The following C6orf52 variants were observed in gnomAD, a reference collection of about 807,000 sequenced individuals.
C6orf52 encodes chromosome 6 open reading frame 52.
C6orf52 carries 16 observed loss-of-function variants against 16.6 expected under a neutral mutation model. The ratio of observed to expected loss-of-function variants is 0.96; its 90% CI spans 0.65 to 1.46. The LOEUF (loss-of-function observed/expected upper bound fraction) is 1.46. Among genes scored for constraint, C6orf52 ranks in the 40% most tolerant of loss-of-function variants. The probability of loss-of-function intolerance (pLI) is 0.00; values close to 1 mark genes in which losing one functional copy is unlikely to be tolerated. For synonymous variants in C6orf52, 53 were observed against 61.4 expected (o/e 0.86, Z 0.64); for missense variants, 166 against 182.3 (o/e 0.91, Z 0.52).
At chr6:10,693,646 T>C (rs1769556392) in intron 1 of C6orf52, among the ~76,000 whole-genome samples, 5 of 152,232 alleles carry the variant, frequency 3.3e-5, no homozygotes, top group Admixed American at 3.3e-4. Context: ...ATGAGAACTA[T>C]ACGAACCAAG....
At position 10,674,639 on chromosome 6, in the gene C6orf52, C is replaced by CTTTTTTTT. The variant is rs78122068; in HGVS notation, c.317-3049_317-3042dup. The CTTTTTTTT allele has an allele frequency of 2.5e-3, 312 of 126,296 alleles. 3 individuals carry two copies. Among genetic ancestry groups the CTTTTTTTT allele is most frequent in the African/African-American group, 8.8e-3 (303 of 34,256 alleles). The allele number at this position is 126,296 out of a possible 1,614,324, so 7.8% of individuals were successfully genotyped here. The stretch of plus-strand genomic sequence containing the variant: ...ATCCACTAAGTATTTTTCTTTCTTT[C>CTTTTTTTT]TTTTTTTTTTTTTTTTTTAAAAGAC... On this transcript the variant is annotated intron_variant, in intron 4 of 4. Transcript: ENST00000259983.
chr6:10,689,301 C>T (rs971210899), intron 1 of C6orf52, among the ~76,000 whole-genome samples: 1 of 152,228 alleles, frequency 6.6e-6, no homozygotes, highest in Non-Finnish European at 1.5e-5. Context: ...CGACTGGTTG[C>T]ATCCAGGGAT....
chr6:10,687,009 T>G lies in C6orf52; in HGVS notation c.227A>C (p.His76Pro), dbSNP rs1768913920. 1.3e-6 allele frequency: 2 copies of G among 1,551,508 alleles called. No homozygotes were observed. Among genetic ancestry groups the G allele is most frequent in the Admixed American group, 2.0e-5 (1 of 50,952 alleles). The change falls in exon 3 of 5, where the codon CAT becomes CCT. Residue 76 changes from histidine (H) to proline (P), a missense_variant. By Grantham distance (77) the His-to-Pro change is moderately conservative. Transcript: ENST00000259983. The part of the protein sequence containing the change: ...DGNGKDCFSA[H>P]ETPEHTAGTL... Reference sequence around the variant, plus strand: ...TCCAGCTGTGTGTTCAGGGGTCTCATGCGCAGAAAAACAGTCCTTTCCATT... The same window carrying G: ...TCCAGCTGTGTGTTCAGGGGTCTCAGGCGCAGAAAAACAGTCCTTTCCATT...
intron 1 of C6orf52, among the ~76,000 whole-genome samples, chr6:10,691,283 C>T (rs906495253): frequency 1.3e-5 from 2 of 152,276 alleles, no homozygotes; most frequent in Non-Finnish European, 2.9e-5. Context: ...CCGGGATCTT[C>T]GGCAAGACTC....
chr6:10,677,525 T>A (rs1483988286), intron 4 of C6orf52, among the ~76,000 whole-genome samples: 1 of 151,310 alleles, frequency 6.6e-6, no homozygotes, highest in Non-Finnish European at 1.5e-5. Flanking sequence ...AATTATAGTA[T>A]CATTTTTTTC....
intron 1 of C6orf52, among the ~76,000 whole-genome samples, chr6:10,687,820 C>CT (rs1353624532): frequency 2.6e-5 from 4 of 152,298 alleles, no homozygotes; most frequent in African/African-American, 9.6e-5. Context: ...CAGCCCCTCT[C>CT]TCCCAACTGT....
At position 10,689,951 on chromosome 6, in the gene C6orf52, G is replaced by T. The variant is rs1031924461; in HGVS notation, c.-11-2390C>A. ...CAGCCAATAAAACATGTCAGTTAAA[G>T]ATTCTTTTCCTGTAAAATTTTTTTT... On this transcript the variant is annotated intron_variant, in intron 1 of 4. Transcript: ENST00000259983. 2.3e-4 allele frequency among the ~76,000 whole-genome samples: 35 copies of T among 152,200 alleles called. 1 individual carries two copies. Among genetic ancestry groups the T allele is most frequent in the Non-Finnish European group, 1.0e-4 (7 of 68,020 alleles).
chr6:10,690,334 G>C (rs909446459), intron 1 of C6orf52, among the ~76,000 whole-genome samples: 2 of 152,060 alleles, frequency 1.3e-5, no homozygotes, highest in Admixed American at 6.5e-5. Flanking sequence ...ATTTCTATTG[G>C]GGCACACTAC....
chr6:10,674,814 T>C, intron 4 of C6orf52: 1 of 152,198 alleles, frequency 6.6e-6, no homozygotes, highest in Non-Finnish European at 1.5e-5. Flanking sequence ...CAATACATTT[T>C]TTTTTTTTTT....
At position 10,680,206 on chromosome 6, in the gene C6orf52, C is replaced by T. The variant is rs913468539; in HGVS notation, c.316+2981G>A. Among the ~76,000 whole-genome samples, 48 of 151,822 alleles carry T rather than the reference C, an allele frequency of 3.2e-4. 1 individual carries two copies. The highest frequency in any genetic ancestry group is 8.3e-4 in the South Asian group (4 of 4,802). ...GATGCAGAGGTTGCAGCCGAGATCA[C>T]GGCACTGCACTCCAACCTGGGTGAC... is the stretch of plus-strand genomic sequence containing the variant. On this transcript the variant is annotated intron_variant, in intron 4 of 4. Coordinates refer to ENST00000259983, the MANE Select transcript of C6orf52 (RefSeq NM_001145020.3).
At chr6:10,681,702 T>G (rs903248871) in intron 4 of C6orf52, among the ~76,000 whole-genome samples, 3 of 152,210 alleles carry the variant, frequency 2.0e-5, no homozygotes, top group African/African-American at 7.2e-5. Flanking sequence ...AGAGATTAAT[T>G]TGTCTGGAAT....
chr6:10,694,260 CAA>C (rs57435593), intron 1 of C6orf52, among the ~76,000 whole-genome samples: 35 of 62,458 alleles, frequency 5.6e-4, no homozygotes, highest in African/African-American at 1.4e-3. Context: ...AACTCCGTCT[CAA>C]AAAAAAAAAA....
intron 3 of C6orf52, among the ~76,000 whole-genome samples, chr6:10,684,520 C>T (rs1768687072): frequency 1.3e-5 from 2 of 152,184 alleles, no homozygotes; most frequent in African/African-American, 4.8e-5. Context: ...TGAGGGCCAC[C>T]TGTGCTGTGT....
intron 4 of C6orf52, among the ~76,000 whole-genome samples, chr6:10,672,085 C>G (rs1353214598): frequency 6.6e-6 from 1 of 152,156 alleles, no homozygotes; most frequent in East Asian, 1.9e-4. Flanking sequence ...GAGGACTTGG[C>G]CTTCCATCTC....
chr6:10,694,599 A>T lies in C6orf52; in HGVS notation c.-117T>A. The T allele has an allele frequency of 2.8e-5, 5 of 178,260 alleles. No individual in the cohort carries two copies. The South Asian group carries it at 3.1e-4, about 11-fold the overall frequency. The allele number at this position is 178,260 out of a possible 1,614,324, so 11.0% of individuals were successfully genotyped here. On this transcript the variant is annotated 5_prime_UTR_variant, in exon 1 of 5. Transcript: ENST00000259983. ...CACGCTGCCGGCGCTACAGCCCCTA[A>T]GCAACCGGCCGGAAGTCGGCCCCAC...
upstream of C6orf52, chr6:10,694,851 A>G: frequency 1.6e-6 from 1 of 640,098 alleles, no homozygotes. Flanking sequence ...ACTTAAAGGC[A>G]GCCCTGGAGC....
At chr6:10,691,568 C>T (rs1769312519) in intron 1 of C6orf52, among the ~76,000 whole-genome samples, 2 of 152,060 alleles carry the variant, frequency 1.3e-5, no homozygotes, top group Non-Finnish European at 2.9e-5. Flanking sequence ...GAGCTGTCTG[C>T]TTGTGGATTT....
intron 4 of C6orf52, among the ~76,000 whole-genome samples, chr6:10,680,313 TATC>T (rs58935694): frequency 0.033 from 5,061 of 152,268 alleles, 260 homozygotes; most frequent in African/African-American, 0.11. Context: ...TAATGGGATG[TATC>T]ATGTTTATTA....
At position 10,681,797 on chromosome 6, in the gene C6orf52, A is replaced by T. The variant is rs561353789; in HGVS notation, c.316+1390T>A. On this transcript the variant is annotated intron_variant, in intron 4 of 4. Transcript: ENST00000259983. ...TTACCTCTATTATTTTGATAGAGGC[A>T]TGGGACAGCCAAATGCCTAGGCAAA... Among the ~76,000 whole-genome samples the T allele has an allele frequency of 8.6e-4, 131 of 152,370 alleles. 1 individual carries two copies. The highest frequency in any genetic ancestry group is 2.9e-3 in the African/African-American group (119 of 41,588).
Sources: gnomAD v4.1 joint callset for allele counts (sites outside exome capture counted in the v4.1 genomes callset) on GRCh38, gnomAD v4.1.1 for gene constraint, MANE v1.5 for transcripts, NCBI Gene and HGNC (gene_info 2026-07-23, HGNC 2026-07-21) for gene names.